PRELID2: variants seen among roughly 807,000 people sequenced by gnomAD.
The protein encoded by PRELID2 is PRELI domain containing 2.
PRELID2 carries 25 observed loss-of-function variants against 28.4 expected under a neutral mutation model. That is an observed-to-expected ratio of 0.88 (90% CI 0.64 to 1.23). The LOEUF is 1.23. PRELID2 is among the 50% of genes most tolerant of loss of function. The pLI is 0.00. For synonymous variants in PRELID2, 76 were observed against 71.6 expected (o/e 1.06, Z -0.31); for missense variants, 201 against 214.4 (o/e 0.94, Z 0.39).
intron 1 of PRELID2, among the ~76,000 whole-genome samples, chr5:145,512,204 G>A (rs965353146): frequency 2.6e-5 from 4 of 152,136 alleles, no homozygotes; most frequent in Non-Finnish European, 5.9e-5. Flanking sequence ...AGCTCCCAGC[G>A]AGATCAACAC....
chr5:145,376,347 A>T, the PRELID2 span, among the ~76,000 whole-genome samples: 4 of 152,130 alleles, frequency 2.6e-5, no homozygotes, highest in African/African-American at 7.2e-5. Context: ...ATATTGGCCT[A>T]AAGTTTTCTC....
At position 145,817,919 on chromosome 5, in the gene PRELID2, G is replaced by A. The variant is rs574357900; in HGVS notation, c.343C>T (p.Arg115Trp). The change falls in exon 4 of 7, where the codon CGG becomes TGG. Residue 115 changes from arginine (R) to tryptophan (W), a missense_variant. Transcript: ENST00000683046. ...CAATTTGGGTTTTCCATACTTTCCC[G>A]GAAGACAGACTCTTCCTTCATGGAT... ...YASMKEESVFRESMENPNWTE... is the reference protein window; with the variant it reads ...YASMKEESVFWESMENPNWTE... 280 of 1,557,166 alleles carry A rather than the reference G, an allele frequency of 1.8e-4. No homozygotes were observed. Among genetic ancestry groups the A allele is most frequent in the Non-Finnish European group, 2.2e-4 (259 of 1,154,496 alleles).
At chr5:145,487,693 CA>C (rs1752230062) in intron 1 of PRELID2, among the ~76,000 whole-genome samples, 2 of 152,242 alleles carry the variant, frequency 1.3e-5, no homozygotes, top group South Asian at 4.1e-4. Flanking sequence ...GAAGATTTTT[CA>C]TTCCATTTCT....
the PRELID2 span, among the ~76,000 whole-genome samples, chr5:145,247,223 C>A: frequency 6.6e-6 from 1 of 152,088 alleles, no homozygotes; most frequent in Non-Finnish European, 1.5e-5. Context: ...GCAACGTGAC[C>A]AATCATCACT....
intron 1 of PRELID2, among the ~76,000 whole-genome samples, chr5:145,696,624 G>A (rs939479136): frequency 3.3e-5 from 5 of 151,900 alleles, no homozygotes; most frequent in Admixed American, 1.3e-4. Context: ...ACCACACCTG[G>A]CTAATTTTTT....
In PRELID2 at chr5:145,623,141, A is replaced by T. The variant is rs533070707; in HGVS notation, n.70+141790T>A. ...AGAAGAATCACTTCTGCTACTAGAT[A>T]TAAGACCTCATTTAAACTAAAGCCA... On this transcript the variant is annotated intron_variant and non_coding_transcript_variant, in intron 1 of 2. Transcript: ENST00000510259. Among the ~76,000 whole-genome samples the T allele has an allele frequency of 1.6e-4, 25 of 152,076 alleles. 1 individual carries two copies. The highest frequency in any genetic ancestry group is 3.4e-3 in the Middle Eastern group (1 of 292).
the PRELID2 span, among the ~76,000 whole-genome samples, chr5:145,425,566 T>C: frequency 6.6e-6 from 1 of 152,188 alleles, no homozygotes; most frequent in African/African-American, 2.4e-5. Context: ...CATGGAATAC[T>C]ATGCAGCCAT....
chr5:145,732,392 T>C (rs1173333349), intron 1 of PRELID2, among the ~76,000 whole-genome samples: 4 of 152,208 alleles, frequency 2.6e-5, no homozygotes, highest in African/African-American at 4.8e-5. Context: ...GAAGAGTTCA[T>C]ATAGATCACT....
At chr5:145,448,818 T>C in the PRELID2 span, among the ~76,000 whole-genome samples, 3 of 152,162 alleles carry the variant, frequency 2.0e-5, no homozygotes, top group African/African-American at 7.2e-5. Flanking sequence ...TCAAGGGTCA[T>C]AGTAACTTAC....
the PRELID2 span, among the ~76,000 whole-genome samples, chr5:145,325,940 C>T: frequency 1.3e-5 from 2 of 152,150 alleles, no homozygotes; most frequent in Non-Finnish European, 2.9e-5. Context: ...GAGAAACTGA[C>T]ACCACATGAA....
chr5:145,371,501 G>A, the PRELID2 span, among the ~76,000 whole-genome samples: 1 of 152,194 alleles, frequency 6.6e-6, no homozygotes, highest in African/African-American at 2.4e-5. Context: ...TGTGCTGCTG[G>A]ATTTGGTTTG....
chr5:145,578,720 C>A (rs953469815), intron 1 of PRELID2, among the ~76,000 whole-genome samples: 4 of 152,076 alleles, frequency 2.6e-5, no homozygotes, highest in African/African-American at 9.7e-5. Flanking sequence ...GTAATGCAGA[C>A]TGGGAATTAG....
chr5:145,772,288 C>T (rs1758156512), intron 5 of PRELID2, among the ~76,000 whole-genome samples: 1 of 151,932 alleles, frequency 6.6e-6, no homozygotes, highest in African/African-American at 2.4e-5. Context: ...AGGAGGCAAT[C>T]AGGCTCAAGA....
chr5:145,770,338 AG>A (rs1758025667), intron 5 of PRELID2, among the ~76,000 whole-genome samples: 1 of 152,014 alleles, frequency 6.6e-6, no homozygotes, highest in Non-Finnish European at 1.5e-5. Context: ...CAACATAGTA[AG>A]ACCCCTTCTC....
At chr5:145,704,384 G>T (rs1159836716) in intron 1 of PRELID2, 1 of 152,158 alleles carries the variant, frequency 6.6e-6, no homozygotes, top group Non-Finnish European at 1.5e-5. Flanking sequence ...AACACGATCT[G>T]CAGCCCAAAT....
At chr5:145,584,535 T>C (rs1753135160) in intron 1 of PRELID2, among the ~76,000 whole-genome samples, 1 of 152,074 alleles carries the variant, frequency 6.6e-6, no homozygotes. Context: ...AATCCATCCA[T>C]CTGACAAAGG....
At chr5:145,468,064 C>T (rs532569334), downstream of PRELID2, among the ~76,000 whole-genome samples, 4 of 152,064 alleles carry the variant, frequency 2.6e-5, no homozygotes, top group African/African-American at 7.2e-5. Flanking sequence ...TATCCCTCCC[C>T]GCTCTCCCAA....
intron 1 of PRELID2, among the ~76,000 whole-genome samples, chr5:145,514,069 A>T (rs1158810315): frequency 1.3e-5 from 2 of 152,206 alleles, no homozygotes; most frequent in African/African-American, 4.8e-5. Flanking sequence ...CATCGACACT[A>T]TGAAGAAACT....
At chr5:145,417,972 A>C in the PRELID2 span, among the ~76,000 whole-genome samples, 3 of 152,238 alleles carry the variant, frequency 2.0e-5, no homozygotes, top group African/African-American at 4.8e-5. Flanking sequence ...TGCAGATGAC[A>C]TGATTCTATA....
Sources: gnomAD v4.1 joint callset for allele counts (sites outside exome capture counted in the v4.1 genomes callset) on GRCh38, gnomAD v4.1.1 for gene constraint, MANE v1.5 for transcripts, NCBI Gene and HGNC (gene_info 2026-07-23, HGNC 2026-07-21) for gene names.